GALNT7: variants seen among roughly 807,000 people sequenced by gnomAD.
GALNT7 encodes the protein polypeptide N-acetylgalactosaminyltransferase 7.
Under a neutral mutation model 82.1 loss-of-function variants are expected in GALNT7, and 60 were observed. That is an observed-to-expected ratio of 0.73 (90% CI 0.59 to 0.91). The LOEUF (loss-of-function observed/expected upper bound fraction) is 0.91, where lower values mean the gene tolerates loss of function less well. Ranked by LOEUF, GALNT7 falls within the 40% of genes least tolerant of loss-of-function variation. The pLI is 0.00. For synonymous variants in GALNT7, 243 were observed against 275.1 expected (o/e 0.88, Z 1.15); for missense variants, 660 against 804.2 (o/e 0.82, Z 2.17).
intron 1 of GALNT7, among the ~76,000 whole-genome samples, chr4:173,178,007 C>CTCTGTGTG (rs1478850695): frequency 2.2e-5 from 3 of 137,726 alleles, no homozygotes; most frequent in Admixed American, 7.1e-5. Flanking sequence ...ATCCGCAAGT[C>CTCTGTGTG]TGTGTGTGTG....
chr4:173,248,210 ATTCACCTACCATGATCC>A lies in GALNT7; in HGVS notation c.359_375del (p.Phe120CysfsTer9). 1 of 1,613,890 alleles carries A rather than the reference ATTCACCTACCATGATCC, an allele frequency of 6.2e-7. No homozygotes were observed. The highest frequency in any genetic ancestry group is 1.3e-5 in the African/African-American group (1 of 75,032). ...AGTATCTCACATTTAAGCCTCAGAC[ATTCACCTACCATGATCC>A]TGTGCTTCGCCCAGGGATCCTCGGT... On this transcript the variant is annotated frameshift_variant, in exon 2 of 12. Coordinates refer to ENST00000265000, the MANE Select transcript of GALNT7 (RefSeq NM_017423.3). LOFTEE classifies it high-confidence loss of function.
intron 1 of GALNT7, among the ~76,000 whole-genome samples, chr4:173,240,525 C>T (rs923144318): frequency 1.3e-5 from 2 of 151,934 alleles, no homozygotes; most frequent in African/African-American, 4.8e-5. Context: ...TGTGTCACCA[C>T]GCCTGGCTAA....
At chr4:173,277,582 C>A (rs1735960995) in intron 2 of GALNT7, among the ~76,000 whole-genome samples, 1 of 152,104 alleles carries the variant, frequency 6.6e-6, no homozygotes, top group Admixed American at 6.6e-5. Context: ...TTGGGAACTG[C>A]TGTTTAAGGA....
At chr4:173,210,023 C>T (rs932213234) in intron 1 of GALNT7, among the ~76,000 whole-genome samples, 1 of 152,010 alleles carries the variant, frequency 6.6e-6, no homozygotes, top group Non-Finnish European at 1.5e-5. Context: ...CTCCCAGCTA[C>T]TCAGGAAGCC....
chr4:173,199,360 G>A (rs550731864), intron 1 of GALNT7, among the ~76,000 whole-genome samples: 6 of 152,258 alleles, frequency 3.9e-5, no homozygotes, highest in African/African-American at 1.4e-4. Context: ...ATCTGCATGC[G>A]AACACTGGGG....
chr4:173,265,553 T>G (rs1052495933), intron 2 of GALNT7, among the ~76,000 whole-genome samples: 1 of 151,712 alleles, frequency 6.6e-6, no homozygotes, highest in Non-Finnish European at 1.5e-5. Context: ...AAGTACATGC[T>G]AGCTGTTTTA....
intron 2 of GALNT7, among the ~76,000 whole-genome samples, chr4:173,280,721 G>A (rs1291562784): frequency 1.3e-5 from 2 of 152,184 alleles, no homozygotes; most frequent in Admixed American, 6.5e-5. Context: ...TTTAAATGTT[G>A]TCCTTCTTAT....
At chr4:173,169,863 G>T (rs895144852) in intron 1 of GALNT7, among the ~76,000 whole-genome samples, 3 of 152,002 alleles carry the variant, frequency 2.0e-5, no homozygotes, top group Admixed American at 6.6e-5. Context: ...GCGCCCGGCC[G>T]CCCCGCGCCG....
At chr4:173,304,400 TAA>T (rs534698751) in intron 8 of GALNT7, among the ~76,000 whole-genome samples, 1 of 144,952 alleles carries the variant, frequency 6.9e-6, no homozygotes, top group Admixed American at 6.8e-5. Flanking sequence ...CCCCATCTCT[TAA>T]AAAAAAAAAA....
chr4:173,319,228 T>G (rs1227085329), intron 11 of GALNT7, among the ~76,000 whole-genome samples: 1 of 152,120 alleles, frequency 6.6e-6, no homozygotes, highest in Non-Finnish European at 1.5e-5. Context: ...TTGGCTAACA[T>G]AAATCAATTT....
intron 1 of GALNT7, among the ~76,000 whole-genome samples, chr4:173,229,330 AT>A (rs1311413918): frequency 6.6e-6 from 1 of 152,074 alleles, no homozygotes; most frequent in Admixed American, 6.5e-5. Context: ...GTAGTATTTT[AT>A]TGGTTTGAAA....
chr4:173,295,270 G>A (rs768239958), intron 3 of GALNT7, 126 bp from the exon 4 acceptor site: 145 of 646,832 alleles, frequency 2.2e-4, no homozygotes, highest in Non-Finnish European at 3.2e-4. Context: ...TTGATAAAAC[G>A]TGCAATCTGG....
chr4:173,289,231 A>G (rs1736450562), intron 2 of GALNT7, among the ~76,000 whole-genome samples: 1 of 152,158 alleles, frequency 6.6e-6, no homozygotes, highest in African/African-American at 2.4e-5. Flanking sequence ...GTAAAAGGGT[A>G]GAGGTCCGCT....
intron 2 of GALNT7, among the ~76,000 whole-genome samples, chr4:173,276,197 T>G (rs1054342725): frequency 3.3e-5 from 5 of 152,162 alleles, no homozygotes; most frequent in African/African-American, 1.2e-4. Context: ...AAAGGAGTAG[T>G]CCCAGGAAAA....
chr4:173,224,323 T>C (rs1035653184), intron 1 of GALNT7, among the ~76,000 whole-genome samples: 2 of 152,228 alleles, frequency 1.3e-5, no homozygotes, highest in African/African-American at 4.8e-5. Context: ...TACTTTTCTT[T>C]CTGACACAAC....
At chr4:173,200,181 C>T (rs958534109) in intron 1 of GALNT7, among the ~76,000 whole-genome samples, 8 of 152,198 alleles carry the variant, frequency 5.3e-5, no homozygotes, top group Non-Finnish European at 1.5e-5. Context: ...ACTTCTGTAA[C>T]AGCACTTCGG....
chr4:173,194,788 G>A (rs578094827), intron 1 of GALNT7, among the ~76,000 whole-genome samples: 1 of 151,624 alleles, frequency 6.6e-6, no homozygotes, highest in Non-Finnish European at 1.5e-5. Context: ...TTCCCTCCCC[G>A]CTTCCCCCAC....
At position 173,285,530 on chromosome 4, in the gene GALNT7, C is replaced by T. The variant is rs981811797; in HGVS notation, c.588-6578C>T. ...AGACCACATTTTTACACCTTGAAGA[C>T]GTTTGTATTTTACCAATAATTCTTG... On this transcript the variant is annotated intron_variant, in intron 2 of 11. Transcript: ENST00000265000. Among the ~76,000 whole-genome samples the T allele has an allele frequency of 8.5e-5, 13 of 152,196 alleles. No individual in the cohort carries two copies. In the South Asian group the frequency reaches 1.0e-3, roughly 12 times the overall value.
At chr4:173,274,761 C>A (rs1313547907) in intron 2 of GALNT7, among the ~76,000 whole-genome samples, 2 of 152,162 alleles carry the variant, frequency 1.3e-5, no homozygotes, top group Non-Finnish European at 2.9e-5. Context: ...AGCAAAATCA[C>A]CATTTATTTG....
Sources: gnomAD v4.1 joint callset for allele counts (sites outside exome capture counted in the v4.1 genomes callset) on GRCh38, gnomAD v4.1.1 for gene constraint, MANE v1.5 for transcripts, NCBI Gene and HGNC (gene_info 2026-07-23, HGNC 2026-07-21) for gene names.